ZNF518A: variants seen among roughly 807,000 people sequenced by gnomAD.
The protein encoded by ZNF518A is zinc finger protein 518A, also known as zinc finger protein 518.
Under a neutral mutation model 102.7 loss-of-function variants are expected in ZNF518A, and 47 were observed. That is an observed-to-expected ratio of 0.46 (90% CI 0.36 to 0.58). The LOEUF (loss-of-function observed/expected upper bound fraction) is 0.58. Ranked by LOEUF, ZNF518A falls within the 20% of genes least tolerant of loss-of-function variation. The pLI is 0.00. For synonymous variants in ZNF518A, 652 were observed against 594.6 expected (o/e 1.10, Z -1.40); for missense variants, 1,793 against 1,699.8 (o/e 1.05, Z -0.96).
At position 96,158,261 on chromosome 10, in the gene ZNF518A, A is replaced by AATT; in HGVS notation, c.1940_1942dup (p.Asn647_Ser648insTyr). 6.2e-7 allele frequency: 1 copy of AATT among 1,613,536 alleles called. No homozygotes were observed. Among genetic ancestry groups the AATT allele is most frequent in the Non-Finnish European group, 8.5e-7 (1 of 1,179,598 alleles). ...TTTTCATAATTACTCAAAAGTGAATAATTCTAATAAACGTCGTAGGTTTTC... is the reference window on the plus strand; with the variant it reads ...TTTTCATAATTACTCAAAAGTGAATAATTATTCTAATAAACGTCGTAGGTTTTC... On this transcript the variant is annotated inframe_insertion, in exon 6 of 6. Coordinates refer to ENST00000316045, the MANE Select transcript of ZNF518A (RefSeq NM_001330736.2).
intron 3 of ZNF518A, among the ~76,000 whole-genome samples, chr10:96,138,774 A>G (rs1228932012): frequency 1.3e-5 from 2 of 152,206 alleles, no homozygotes; most frequent in Non-Finnish European, 1.5e-5. Context: ...AGCATCCCAC[A>G]TGCTGGTGAT....
chr10:96,205,038 G>A (rs1157967748), downstream of ZNF518A: 9 of 252,004 alleles, frequency 3.6e-5, no homozygotes, highest in South Asian at 5.3e-5. Flanking sequence ...CATAAGACGT[G>A]GTATAAGCAG....
chr10:96,149,680 T>C (rs1376181115), intron 3 of ZNF518A, among the ~76,000 whole-genome samples: 2 of 152,224 alleles, frequency 1.3e-5, no homozygotes, highest in African/African-American at 4.8e-5. Context: ...TTTATCTGTT[T>C]TTCAGTATCC....
chr10:96,138,234 G>A (rs1177749), intron 3 of ZNF518A, among the ~76,000 whole-genome samples: 46,589 of 152,026 alleles, frequency 0.31, 8,250 homozygotes, highest in East Asian at 0.67. Context: ...TCGACTCATG[G>A]TAATTCTCTG....
chr10:96,151,325 A>G (rs2082440138), intron 3 of ZNF518A: 2 of 152,168 alleles, frequency 1.3e-5, no homozygotes, highest in Non-Finnish European at 2.9e-5. Context: ...TAGCGAAAGG[A>G]CAGGGCTCTT....
chr10:96,160,675 T>C lies in ZNF518A; in HGVS notation c.4353T>C (p.Cys1451=). The change falls in exon 6 of 6, where the codon TGT becomes TGC. Residue 1451 remains cysteine, a synonymous_variant. Coordinates refer to ENST00000316045, the MANE Select transcript of ZNF518A (RefSeq NM_001330736.2). ...ATATTTTGAAGGCTAAATTTAACTGTTGGTTTTGTGGTAGAGTATTTGACA... is the reference window on the plus strand; with the variant it reads ...ATATTTTGAAGGCTAAATTTAACTGCTGGTTTTGTGGTAGAGTATTTGACA... ...SENILKAKFN[C]WFCGRVFDNQ... 6.2e-7 allele frequency: 1 copy of C among 1,613,130 alleles called. No homozygotes were observed. Among genetic ancestry groups the C allele is most frequent in the Non-Finnish European group, 8.5e-7 (1 of 1,179,482 alleles).
chr10:96,143,169 AT>A (rs2082020715), intron 3 of ZNF518A, among the ~76,000 whole-genome samples: 2 of 151,672 alleles, frequency 1.3e-5, no homozygotes, highest in Non-Finnish European at 2.9e-5. Context: ...TTTTATTTGG[AT>A]TGTCACTCTA....
chr10:96,190,869 C>T (rs1229237523), intron 1 of ZNF518A, among the ~76,000 whole-genome samples: 1 of 152,154 alleles, frequency 6.6e-6, no homozygotes, highest in Non-Finnish European at 1.5e-5. Context: ...TGCTTTTCTG[C>T]TCTTGTTTTG....
chr10:96,197,795 A>T (rs892556838), intron 1 of ZNF518A, among the ~76,000 whole-genome samples: 2 of 152,098 alleles, frequency 1.3e-5, no homozygotes, highest in Admixed American at 1.3e-4. Context: ...GGGCACCTGT[A>T]GTCCCAGCTA....
At chr10:96,151,599 G>A (rs2082453476) in intron 3 of ZNF518A, 1 of 152,182 alleles carries the variant, frequency 6.6e-6, no homozygotes, top group South Asian at 2.1e-4. Context: ...GCAGAATTAT[G>A]TCTCTCACTT....
downstream of ZNF518A, chr10:96,204,352 T>G (rs1400788199): frequency 5.2e-6 from 4 of 763,202 alleles, no homozygotes; most frequent in African/African-American, 1.7e-5. Context: ...AGTAGGTCTC[T>G]GCAACTCTAC....
chr10:96,144,575 A>G (rs587753495), intron 3 of ZNF518A, among the ~76,000 whole-genome samples: 1 of 152,338 alleles, frequency 6.6e-6, no homozygotes, highest in South Asian at 2.1e-4. Flanking sequence ...TAGAAAATCT[A>G]AAGAGCCCAG....
At chr10:96,166,093 C>G (rs1488768587), downstream of ZNF518A, among the ~76,000 whole-genome samples, 2 of 152,148 alleles carry the variant, frequency 1.3e-5, no homozygotes, top group African/African-American at 2.4e-5. Flanking sequence ...ATAAAGCTGT[C>G]TCAGCTCCTG....
intron 3 of ZNF518A, among the ~76,000 whole-genome samples, chr10:96,145,373 T>C (rs2082124050): frequency 6.6e-6 from 1 of 152,224 alleles, no homozygotes; most frequent in Non-Finnish European, 1.5e-5. Context: ...CCTGGTCGCA[T>C]CTTTTTATTT....
chr10:96,159,038 C>T lies in ZNF518A; in HGVS notation c.2716C>T (p.Arg906Ter), dbSNP rs2082856407. Residue 906 changes from arginine (R) to a stop codon, truncating the protein, a stop_gained, in exon 6 of 6, where the codon CGA becomes TGA. Transcript: ENST00000316045. LOFTEE classifies it high-confidence loss of function. ...ACAGCAGCTTGTAAAAGACAAACTA[C>T]GAGCCACCACACAAAATTTAGGTTC... ...ITQQLVKDKLRATTQNLGSFY... is the reference protein window; with the variant it reads ...ITQQLVKDKL 3.7e-6 allele frequency: 6 copies of T among 1,613,404 alleles called. No homozygotes were observed. The highest frequency in any genetic ancestry group is 4.2e-6 in the Non-Finnish European group (5 of 1,179,718).
intron 1 of ZNF518A, among the ~76,000 whole-genome samples, chr10:96,185,583 G>A (rs1197510911): frequency 1.3e-5 from 2 of 152,306 alleles, no homozygotes; most frequent in South Asian, 2.1e-4. Flanking sequence ...CTGGTCTGCT[G>A]GAGTTTGCTG....
downstream of ZNF518A, among the ~76,000 whole-genome samples, chr10:96,165,255 C>T (rs1311517995): frequency 6.6e-6 from 1 of 152,058 alleles, no homozygotes; most frequent in African/African-American, 2.4e-5. Flanking sequence ...TTACAGGTGC[C>T]CACCACGATA....
In ZNF518A at chr10:96,159,123, C is replaced by A. The variant is rs782757649; in HGVS notation, c.2801C>A (p.Thr934Asn). 6.2e-7 allele frequency: 1 copy of A among 1,611,982 alleles called. No individual in the cohort carries two copies. The highest frequency in any genetic ancestry group is 8.5e-7 in the Non-Finnish European group (1 of 1,179,262). Residue 934 changes from threonine to asparagine, a missense_variant, in exon 6 of 6, where the codon ACT becomes AAT. Around this residue, in one of 3 missense-constraint regions of ZNF518A, gnomAD observed 1,741 missense variants for 1,622.6 expected, o/e 1.07. Transcript: ENST00000316045. Reference sequence around the variant, plus strand: ...CAAAAAAAAACTATAATTGTTCAGACTTCAAAAGGATTCTTAATACCATTG... The same window carrying A: ...CAAAAAAAAACTATAATTGTTCAGAATTCAAAAGGATTCTTAATACCATTG... ...SEQKKTIIVQ[T>N]SKGFLIPLNI...
At chr10:96,190,045 A>G (rs1554893038) in intron 1 of ZNF518A, 7 of 809,950 alleles carry the variant, frequency 8.6e-6, no homozygotes, top group East Asian at 2.4e-5. Context: ...TGCTTCAACA[A>G]TGTGCAGTTC....
Sources: allele counts gnomAD v4.1 joint callset (sites outside exome capture counted in the v4.1 genomes callset), GRCh38; gene constraint gnomAD v4.1.1; regional missense constraint gnomAD v4.1.1; transcripts MANE v1.5; gene names NCBI Gene and HGNC (gene_info 2026-07-23, HGNC 2026-07-21).